Variants in MEIKIN observed in about 807,000 individuals in gnomAD.
MEIKIN encodes the protein meiosis-specific kinetochore protein.
At chr5:131,887,431 G>A (rs1750818679) in intron 8 of MEIKIN, among the ~76,000 whole-genome samples, 1 of 152,100 alleles carries the variant, frequency 6.6e-6, no homozygotes, top group Non-Finnish European at 1.5e-5. Flanking sequence ...CTTCCACAAT[G>A]GTTGAACTAA....
chr5:131,921,927 TG>T lies in MEIKIN; in HGVS notation c.492del (p.Asn165ThrfsTer20). On this transcript the variant is annotated frameshift_variant, in exon 6 of 13. Coordinates refer to ENST00000442687, the MANE Select transcript of MEIKIN (RefSeq NM_001303622.2). LOFTEE classifies it high-confidence loss of function. ...RKSDYLDWECPNLEEHMQWKN... is the reference protein window; with the variant it reads ...RKSDYLDWECXNLEEHMQWKN... The stretch of plus-strand genomic sequence containing the variant: ...TTCCACTGCATGTGTTCTTCCAAGT[TG>T]GGACACTCCCAGTCTAAAACAGCAG... 1 of 398,986 alleles carries T rather than the reference TG, an allele frequency of 2.5e-6. No individual in the cohort carries two copies. 24.7% of individuals were successfully genotyped at this position (398,986 alleles called of 1,614,324 possible).
intron 8 of MEIKIN, among the ~76,000 whole-genome samples, chr5:131,893,493 C>T (rs752202782): frequency 1.3e-5 from 2 of 152,214 alleles, no homozygotes; most frequent in Non-Finnish European, 2.9e-5. Context: ...ATCTGTCACC[C>T]CTTTCTTTGA....
At chr5:131,871,193 G>C (rs1334072666) in intron 9 of MEIKIN, among the ~76,000 whole-genome samples, 3 of 152,208 alleles carry the variant, frequency 2.0e-5, no homozygotes, top group Non-Finnish European at 2.9e-5. Context: ...AGCCGAAGCA[G>C]GGCAAGGAAT....
At chr5:131,867,064 T>C (rs1330411087) in intron 9 of MEIKIN, among the ~76,000 whole-genome samples, 2 of 152,210 alleles carry the variant, frequency 1.3e-5, no homozygotes, top group African/African-American at 4.8e-5. Flanking sequence ...GCTCTATAAA[T>C]AACTGTTACT....
chr5:131,809,666 C>T (rs190581229), intron 12 of MEIKIN, among the ~76,000 whole-genome samples: 69 of 151,820 alleles, frequency 4.5e-4, no homozygotes, highest in South Asian at 2.3e-3. Flanking sequence ...ATTAGCTGGG[C>T]GTGGTGGTAC....
At chr5:131,831,873 A>T (rs1749721764) in intron 11 of MEIKIN, among the ~76,000 whole-genome samples, 1 of 152,136 alleles carries the variant, frequency 6.6e-6, no homozygotes, top group African/African-American at 2.4e-5. Flanking sequence ...ATTCACTATC[A>T]CAAGAACAGC....
At chr5:131,865,571 G>C (rs1750369342) in intron 9 of MEIKIN, among the ~76,000 whole-genome samples, 1 of 152,156 alleles carries the variant, frequency 6.6e-6, no homozygotes, top group African/African-American at 2.4e-5. Flanking sequence ...GTGTACCTTT[G>C]CAGGTGTCAT....
chr5:131,835,315 G>A (rs140468461), intron 11 of MEIKIN, among the ~76,000 whole-genome samples: 1 of 151,910 alleles, frequency 6.6e-6, no homozygotes, highest in East Asian at 1.9e-4. Context: ...ACATTCTATA[G>A]GTGTGTATTC....
chr5:131,854,996 A>G (rs1750170662), intron 9 of MEIKIN, among the ~76,000 whole-genome samples, 162 bp from the exon 10 acceptor site: 1 of 152,244 alleles, frequency 6.6e-6, no homozygotes, highest in Admixed American at 6.5e-5. Context: ...ACAGGAAACT[A>G]AAGAATTTTC....
chr5:131,879,101 A>G, intron 8 of MEIKIN, 53 bp from the exon 9 acceptor site: 1 of 397,988 alleles, frequency 2.5e-6, no homozygotes, highest in East Asian at 3.6e-5. Context: ...GTCATTAACT[A>G]TGAGTCCAAA....
intron 9 of MEIKIN, among the ~76,000 whole-genome samples, chr5:131,858,491 C>A (rs1486851687): frequency 6.6e-6 from 1 of 152,072 alleles, no homozygotes; most frequent in Non-Finnish European, 1.5e-5. Flanking sequence ...TAGGAGAAAA[C>A]CAACAAAATA....
chr5:131,854,147 G>T (rs1226132533), intron 10 of MEIKIN, among the ~76,000 whole-genome samples: 1 of 152,150 alleles, frequency 6.6e-6, no homozygotes, highest in African/African-American at 2.4e-5. Context: ...ATACAATGGA[G>T]TATCAATTCA....
At chr5:131,917,297 GGT>G (rs1025879359) in intron 6 of MEIKIN, among the ~76,000 whole-genome samples, 1 of 152,088 alleles carries the variant, frequency 6.6e-6, no homozygotes, top group Non-Finnish European at 1.5e-5. Flanking sequence ...CGGGCACAGT[GGT>G]TCACGCCTGT....
At chr5:131,891,606 T>C (rs908707161) in intron 8 of MEIKIN, among the ~76,000 whole-genome samples, 9 of 152,228 alleles carry the variant, frequency 5.9e-5, no homozygotes, top group African/African-American at 2.2e-4. Flanking sequence ...TGAGCCTATG[T>C]GTCTCTGCAT....
At position 131,864,415 on chromosome 5, in the gene MEIKIN, T is replaced by C. The variant is rs1750347349; in HGVS notation, c.775-9581A>G. On this transcript the variant is annotated intron_variant, in intron 9 of 12. Transcript: ENST00000442687. ...AGTTGTAGGACTCCCTTGAGTTTAG[T>C]AGTAATGAATTTTCTCGGCATTTGA... Among the ~76,000 whole-genome samples, 4 of 152,340 alleles carry C rather than the reference T, an allele frequency of 2.6e-5. No individual in the cohort carries two copies. The South Asian group carries it at 8.3e-4, about 32-fold the overall frequency.
intron 8 of MEIKIN, among the ~76,000 whole-genome samples, chr5:131,887,700 T>G (rs868628212): frequency 3.4e-5 from 5 of 148,544 alleles, no homozygotes; most frequent in African/African-American, 1.0e-4. Flanking sequence ...TGTAAATTTG[T>G]TTTTTTTTTA....
chr5:131,840,222 G>C (rs1038583929), intron 11 of MEIKIN, among the ~76,000 whole-genome samples: 1 of 152,190 alleles, frequency 6.6e-6, no homozygotes, highest in Non-Finnish European at 1.5e-5. Flanking sequence ...TTTGTGCTGA[G>C]AGTTTCATTG....
intron 12 of MEIKIN, among the ~76,000 whole-genome samples, chr5:131,810,440 G>T (rs530798151): frequency 2.6e-5 from 4 of 152,182 alleles, no homozygotes; most frequent in Non-Finnish European, 5.9e-5. Flanking sequence ...CCTCTCTTGG[G>T]TTCCTACAGT....
rs545160650 is a variant in MEIKIN at position 131,814,364 on chromosome 5, C to T, written c.1099+4376G>A. Among the ~76,000 whole-genome samples, 17 of 151,838 alleles carry T rather than the reference C, an allele frequency of 1.1e-4. No homozygotes were observed. The South Asian group carries it at 3.5e-3, about 32-fold the overall frequency. ...TGATTACAGCTTACTGCAGCTTCCA[C>T]CTCCTCGGGCTCAGGTGATCCTCCC... On this transcript the variant is annotated intron_variant, in intron 12 of 12. Transcript: ENST00000442687.
Sources: gnomAD v4.1 joint callset for allele counts (sites outside exome capture counted in the v4.1 genomes callset) on GRCh38, gnomAD v4.1.1 for gene constraint, MANE v1.5 for transcripts, NCBI Gene and HGNC (gene_info 2026-07-23, HGNC 2026-07-21) for gene names.